Variants in HSP90AA1 observed in about 807,000 individuals in gnomAD.
The protein encoded by HSP90AA1 is heat shock protein 90 alpha family class A member 1.
Under a neutral mutation model 73.3 loss-of-function variants are expected in HSP90AA1, and 18 were observed. That is an observed-to-expected ratio of 0.25 (90% CI 0.17 to 0.36). HSP90AA1 has a LOEUF of 0.36. Among genes scored for constraint, HSP90AA1 ranks in the 10% least tolerant of loss-of-function variants. The pLI is 1.00. For synonymous variants in HSP90AA1, 477 were observed against 296.9 expected (o/e 1.61, Z -6.24); for missense variants, 704 against 874.2 (o/e 0.81, Z 2.45).
chr14:102,131,025 G>C (rs1268906665), intron 1 of HSP90AA1, among the ~76,000 whole-genome samples: 1 of 152,170 alleles, frequency 6.6e-6, no homozygotes, highest in African/African-American at 2.4e-5. Flanking sequence ...AGCCTATCCA[G>C]GCTTTAAATA....
intron 1 of HSP90AA1, among the ~76,000 whole-genome samples, chr14:102,138,606 A>T (rs1232137095): frequency 6.6e-6 from 1 of 152,132 alleles, no homozygotes; most frequent in African/African-American, 2.4e-5. Flanking sequence ...TTGCTTTTTA[A>T]TACGGAAGAT....
intron 1 of HSP90AA1, among the ~76,000 whole-genome samples, chr14:102,113,809 C>T (rs1299201828): frequency 1.3e-5 from 2 of 152,150 alleles, no homozygotes; most frequent in Non-Finnish European, 2.9e-5. Context: ...CTCCCAGGTT[C>T]ACGCCATTCT....
intron 7 of HSP90AA1, 28 bp downstream of exon 7, chr14:102,083,765 T>A (rs749281736): frequency 6.3e-7 from 1 of 1,595,916 alleles, no homozygotes; most frequent in Admixed American, 1.7e-5. Context: ...AGAGGCCAAT[T>A]GGAAAACTAA....
intron 1 of HSP90AA1, among the ~76,000 whole-genome samples, chr14:102,105,671 C>G (rs1309144798): frequency 6.6e-6 from 1 of 152,312 alleles, no homozygotes; most frequent in South Asian, 2.1e-4. Context: ...AGTGTGTTCT[C>G]TGTCCACAGG....
At chr14:102,102,233 T>C in intron 1 of HSP90AA1, 1 of 723,360 alleles carries the variant, frequency 1.4e-6, no homozygotes, top group Non-Finnish European at 2.5e-6. Flanking sequence ...AAATATGTGA[T>C]ATGTTCTCTT....
intron 10 of HSP90AA1, 33 bp from the exon 11 acceptor site, chr14:102,081,854 G>T (rs779477219): frequency 9.5e-6 from 10 of 1,050,452 alleles, no homozygotes; most frequent in Non-Finnish European, 1.5e-5. Flanking sequence ...ATATTACAAA[G>T]ATTTCTTAAA....
Position 102,080,911 on chromosome 14 carries a change from T to TG in HSP90AA1, c.*800dup. 8.7e-6 allele frequency: 2 copies of TG among 228,732 alleles called. No homozygotes were observed. The highest frequency in any genetic ancestry group is 1.7e-5 in the Non-Finnish European group (2 of 115,254). 14.2% of individuals were successfully genotyped at this position (228,732 alleles called of 1,614,324 possible). ...CTCCACCCCACACCTGCTGAGTACATGCTGGGAAGACCATGTCAACCCTTG... is the reference window on the plus strand; with the variant it reads ...CTCCACCCCACACCTGCTGAGTACATGGCTGGGAAGACCATGTCAACCCTTG... On this transcript the variant is annotated 3_prime_UTR_variant, in exon 11 of 11. Coordinates refer to ENST00000216281, the MANE Select transcript of HSP90AA1 (RefSeq NM_005348.4).
chr14:102,126,585 C>T lies in HSP90AA1; in HGVS notation c.155+12665G>A, dbSNP rs1348650941. Among the ~76,000 whole-genome samples, 9 of 151,724 alleles carry T rather than the reference C, an allele frequency of 5.9e-5. No individual in the cohort carries two copies. In the East Asian group the frequency reaches 1.7e-3, roughly 29 times the overall value. ...CTGTTCCCAGGCTGGAGTGCAGTGG[C>T]GCAACCACGACTCACTGCAAGCTCC... On this transcript the variant is annotated intron_variant, in intron 1 of 11. Coordinates refer to the HSP90AA1 transcript ENST00000334701.
At chr14:102,085,726 C>G in intron 3 of HSP90AA1, 32 bp downstream of exon 3, 2 of 1,613,890 alleles carry the variant, frequency 1.2e-6, no homozygotes, top group Non-Finnish European at 1.7e-6. Context: ...CCTTCCACCG[C>G]TCACTTAACC....
At chr14:102,095,464 C>T (rs1294040083) in intron 2 of HSP90AA1, among the ~76,000 whole-genome samples, 1 of 152,152 alleles carries the variant, frequency 6.6e-6, no homozygotes, top group Non-Finnish European at 1.5e-5. Context: ...AGGCAGGGGA[C>T]AGATGTGCGT....
chr14:102,139,476 C>T (rs2050190572), exon 1 of HSP90AA1: 1 of 1,431,444 alleles, frequency 7.0e-7, no homozygotes, highest in Non-Finnish European at 9.3e-7. Context: ...TCTTCCTCCG[C>T]TCTTTGGGGT....
At chr14:102,132,472 G>C (rs1016668301) in intron 1 of HSP90AA1, among the ~76,000 whole-genome samples, 5 of 152,038 alleles carry the variant, frequency 3.3e-5, no homozygotes, top group African/African-American at 1.2e-4. Flanking sequence ...GCTTGAGCCT[G>C]GAAGGTTGAG....
chr14:102,086,854 C>T (rs1354832546), intron 1 of HSP90AA1, 132 bp downstream of exon 1: 3 of 411,746 alleles, frequency 7.3e-6, no homozygotes, highest in South Asian at 1.0e-4. Context: ...GAATAGAAAG[C>T]GCGGCCGCCC....
At chr14:102,089,046 G>A (rs987347136), upstream of HSP90AA1, among the ~76,000 whole-genome samples, 34 of 151,760 alleles carry the variant, frequency 2.2e-4, no homozygotes, top group Non-Finnish European at 3.8e-4. Context: ...TTAGCCTCCC[G>A]AGTAGCTGGG....
At chr14:102,135,450 C>G (rs929123315) in intron 1 of HSP90AA1, among the ~76,000 whole-genome samples, 1 of 152,292 alleles carries the variant, frequency 6.6e-6, no homozygotes, top group African/African-American at 2.4e-5. Context: ...CTGCCTTCAC[C>G]TAGTGGATCC....
chr14:102,133,399 C>T (rs1304138175), intron 1 of HSP90AA1, among the ~76,000 whole-genome samples: 1 of 151,972 alleles, frequency 6.6e-6, no homozygotes, highest in Admixed American at 6.6e-5. Flanking sequence ...TCCCTGAAGC[C>T]AACTATGGGT....
intron 10 of HSP90AA1, 57 bp from the exon 11 acceptor site, chr14:102,081,878 G>T: frequency 1.1e-6 from 1 of 880,424 alleles, no homozygotes. Context: ...AGCTATTAGG[G>T]TAATACTCTT....
chr14:102,106,534 CTAATTTTTT>C (rs977637502), intron 1 of HSP90AA1, among the ~76,000 whole-genome samples: 3 of 125,422 alleles, frequency 2.4e-5, no homozygotes, highest in African/African-American at 8.8e-5. Flanking sequence ...CCCTGTTGAG[CTAATTTTTT>C]TTTTTTTTTT....
Position 102,086,138 on chromosome 14 carries a change from ATATT to A in HSP90AA1, c.163-18_163-15del, listed in dbSNP as rs747388401. On this transcript the variant is annotated splice_polypyrimidine_tract_variant and intron_variant, in intron 2 of 10. Transcript: ENST00000216281. ...TTTGTCCAATGCCTGTTAACAAAAA[ATATT>A]AATTTAAGCATACAGCACCCCCAAG... The A allele has an allele frequency of 4.6e-5, 75 of 1,614,018 alleles. No individual in the cohort carries two copies. The highest frequency in any genetic ancestry group is 6.2e-5 in the Non-Finnish European group (73 of 1,180,010).
Sources: allele counts gnomAD v4.1 joint callset (sites outside exome capture counted in the v4.1 genomes callset), GRCh38; gene constraint gnomAD v4.1.1; transcripts MANE v1.5; gene names NCBI Gene and HGNC (gene_info 2026-07-23, HGNC 2026-07-21).